Variants in TENM2 observed in about 807,000 individuals in gnomAD.
The protein encoded by TENM2 is teneurin-2.
A neutral mutation model predicts 245.2 loss-of-function variants in TENM2; 52 were observed. That is an observed-to-expected ratio of 0.21 (90% confidence interval 0.17 to 0.27). The LOEUF is 0.27. TENM2 is among the 10% of genes least tolerant of loss of function. TENM2 has a pLI of 1.00. For synonymous variants in TENM2, 1,363 were observed against 1,438.9 expected, an observed-to-expected ratio of 0.95 and a Z score of 1.19; for missense variants, 3,046 against 3,666.8, an observed-to-expected ratio of 0.83 and a Z score of 4.37.
At chr5:168,180,256 G>A (rs966512039) in intron 13 of TENM2, among the ~76,000 whole-genome samples, 9 of 152,134 alleles carry the variant, frequency 5.9e-5, no homozygotes, top group Middle Eastern at 3.2e-3. Flanking sequence ...GGAGAGGCTC[G>A]GAGCCAGAAG....
the TENM2 span, among the ~76,000 whole-genome samples, chr5:167,220,060 A>C: frequency 1.3e-5 from 2 of 152,232 alleles, no homozygotes; most frequent in African/African-American, 4.8e-5. Flanking sequence ...CCACACCTCT[A>C]AATGGACCAG....
chr5:167,354,319 G>A (rs749447109), intron 1 of TENM2, among the ~76,000 whole-genome samples: 1 of 152,216 alleles, frequency 6.6e-6, no homozygotes, highest in Non-Finnish European at 1.5e-5. Flanking sequence ...CAAAAAGAAT[G>A]TTTAAAGGCA....
chr5:167,387,597 G>T (rs10068472), intron 2 of TENM2, among the ~76,000 whole-genome samples: 3,821 of 152,156 alleles, frequency 0.025, 160 homozygotes, highest in African/African-American at 0.087. Context: ...TTTTGTTTCA[G>T]TTCTCAGAGG....
intron 2 of TENM2, among the ~76,000 whole-genome samples, chr5:167,513,719 T>C (rs1770125775): frequency 6.6e-6 from 1 of 152,196 alleles, no homozygotes; most frequent in African/African-American, 2.4e-5. Flanking sequence ...GTGATTTCTC[T>C]ATATCCATCC....
intron 2 of TENM2, among the ~76,000 whole-genome samples, chr5:167,383,871 A>G (rs7724360): frequency 0.39 from 58,808 of 151,774 alleles, 13,234 homozygotes; most frequent in African/African-American, 0.64. Flanking sequence ...GCACACACAT[A>G]GCATATATGA....
chr5:168,141,480 C>T (rs1755542625), intron 12 of TENM2, among the ~76,000 whole-genome samples: 2 of 152,290 alleles, frequency 1.3e-5, no homozygotes, highest in South Asian at 4.1e-4. Context: ...CCCATCTGAT[C>T]CCACAAATCA....
intron 5 of TENM2, among the ~76,000 whole-genome samples, chr5:168,017,549 G>A (rs1785767074): frequency 6.6e-6 from 1 of 152,174 alleles, no homozygotes; most frequent in South Asian, 2.1e-4. Flanking sequence ...GTCTCTTACA[G>A]TGTGTGGCTA....
chr5:167,583,882 C>G (rs1775286262), intron 2 of TENM2, among the ~76,000 whole-genome samples: 1 of 152,078 alleles, frequency 6.6e-6, no homozygotes, highest in African/African-American at 2.4e-5. Flanking sequence ...TCTTTTTTGT[C>G]TGCTTTAACA....
At chr5:167,500,401 G>A (rs893041533) in intron 2 of TENM2, among the ~76,000 whole-genome samples, 4 of 151,978 alleles carry the variant, frequency 2.6e-5, no homozygotes, top group African/African-American at 9.7e-5. Context: ...TCTGTATGCT[G>A]TCACTCAGTG....
intron 2 of TENM2, among the ~76,000 whole-genome samples, chr5:167,514,589 A>T (rs1007392784): frequency 2.0e-5 from 3 of 152,244 alleles, no homozygotes; most frequent in Admixed American, 6.5e-5. Context: ...AGTTCTAGAG[A>T]TTCCAGAGAA....
chr5:167,311,931 G>T (rs1011036499), intron 1 of TENM2, among the ~76,000 whole-genome samples: 1 of 152,016 alleles, frequency 6.6e-6, no homozygotes, highest in Admixed American at 6.6e-5. Context: ...ATGAATGTAG[G>T]GATCTTATGT....
chr5:167,829,668 G>A (rs1768295631), intron 2 of TENM2, among the ~76,000 whole-genome samples: 1 of 152,246 alleles, frequency 6.6e-6, no homozygotes, highest in Non-Finnish European at 1.5e-5. Flanking sequence ...TTAGCTTTCA[G>A]ATGTAACATT....
At chr5:167,276,084 A>G in the TENM2 span, among the ~76,000 whole-genome samples, 2 of 151,978 alleles carry the variant, frequency 1.3e-5, no homozygotes, top group South Asian at 4.1e-4. Flanking sequence ...TTTATATATT[A>G]CTGATTTTTT....
At chr5:168,141,519 C>G (rs1368367755) in intron 12 of TENM2, among the ~76,000 whole-genome samples, 1 of 152,202 alleles carries the variant, frequency 6.6e-6, no homozygotes, top group African/African-American at 2.4e-5. Flanking sequence ...CCAGAGGAAA[C>G]TGCCTTTCCC....
At chr5:167,708,691 C>T (rs1758701587) in intron 2 of TENM2, among the ~76,000 whole-genome samples, 1 of 152,126 alleles carries the variant, frequency 6.6e-6, no homozygotes, top group African/African-American at 2.4e-5. Flanking sequence ...TGAGGCCTCC[C>T]CGCCAGCCTC....
chr5:167,312,446 C>A (rs1756093212), intron 1 of TENM2, among the ~76,000 whole-genome samples: 1 of 152,056 alleles, frequency 6.6e-6, no homozygotes, highest in Non-Finnish European at 1.5e-5. Context: ...GCATCATAGT[C>A]CAAAGCAGAC....
chr5:167,396,333 TATGTGAAGGGAAA>T (rs1412225935), intron 2 of TENM2, among the ~76,000 whole-genome samples: 1 of 152,068 alleles, frequency 6.6e-6, no homozygotes, highest in African/African-American at 2.4e-5. Context: ...TTGGGAACAT[TATGTGAAGGGAAA>T]TAAGCCAATC....
chr5:167,360,605 A>G (rs895631874), intron 1 of TENM2, among the ~76,000 whole-genome samples: 6 of 152,188 alleles, frequency 3.9e-5, no homozygotes, highest in Admixed American at 1.3e-4. Context: ...CATTACAGGA[A>G]AAAGAACCTG....
chr5:167,206,340 C>T, the TENM2 span, among the ~76,000 whole-genome samples: 1 of 152,140 alleles, frequency 6.6e-6, no homozygotes, highest in Non-Finnish European at 1.5e-5. Context: ...CCCTGCCTTC[C>T]TCACCAGAAA....
Sources: allele counts gnomAD v4.1 joint callset (sites outside exome capture counted in the v4.1 genomes callset), GRCh38; gene constraint gnomAD v4.1.1; transcripts MANE v1.5; gene names NCBI Gene and HGNC (gene_info 2026-07-23, HGNC 2026-07-21).